Variants in AMPD3 observed in about 807,000 individuals in gnomAD.
The protein encoded by AMPD3 is AMP deaminase 3.
A neutral mutation model predicts 82.3 loss-of-function variants in AMPD3; 57 were observed. The observed-to-expected ratio is 0.69, with a 90% CI of 0.56 to 0.86. The LOEUF (loss-of-function observed/expected upper bound fraction) is 0.86. Ranked by LOEUF, AMPD3 falls within the 40% of genes least tolerant of loss-of-function variation. The probability of loss-of-function intolerance (pLI) is 0.00; values close to 1 mark genes in which losing one functional copy is unlikely to be tolerated. For missense variants in AMPD3, 870 were observed against 1,003.8 expected (o/e 0.87, Z 1.80); for synonymous variants, 381 against 394.7 (o/e 0.97, Z 0.41).
At chr11:10,498,539 G>A (rs1849487315) in intron 10 of AMPD3, 1 of 152,506 alleles carries the variant, frequency 6.6e-6, no homozygotes, top group Admixed American at 6.5e-5. Context: ...AGTGAGCACA[G>A]AGCAGAGCTC....
intron 1 of AMPD3, among the ~76,000 whole-genome samples, chr11:10,457,698 C>A (rs7123980): frequency 0.18 from 27,259 of 152,048 alleles, 2,707 homozygotes; most frequent in Admixed American, 0.29. Flanking sequence ...AGTTCAAGAC[C>A]AGCCTGGCCA....
At chr11:10,485,361 C>A (rs1411209011) in intron 5 of AMPD3, among the ~76,000 whole-genome samples, 2 of 152,104 alleles carry the variant, frequency 1.3e-5, no homozygotes, top group African/African-American at 4.8e-5. Context: ...ATTCTCTTGC[C>A]TCAGCGTCCT....
intron 2 of AMPD3, among the ~76,000 whole-genome samples, chr11:10,474,480 T>C (rs1200374016): frequency 6.6e-6 from 1 of 152,164 alleles, no homozygotes; most frequent in African/African-American, 2.4e-5. Context: ...GGGAGCCTGA[T>C]TCCCCAGAGC....
At chr11:10,473,691 A>G (rs1053850455) in intron 2 of AMPD3, 4 of 780,426 alleles carry the variant, frequency 5.1e-6, no homozygotes, top group Non-Finnish European at 6.2e-6. Context: ...ATCGTGCAGC[A>G]TATTTCTCCA....
chr11:10,485,063 C>T lies in AMPD3; in HGVS notation c.809+24C>T, dbSNP rs1488330136. 4 of 1,597,916 alleles carry T rather than the reference C, an allele frequency of 2.5e-6. No homozygotes were observed. The East Asian group carries it at 6.8e-5, about 27-fold the overall frequency. The stretch of plus-strand genomic sequence containing the variant: ...ACGTAAGCTAGCTTCTCCGCGGCTG[C>T]CTGTCTTTGCACAGGTGCTGTTCTG... On this transcript the variant is annotated intron_variant, in intron 5 of 14. Transcript: ENST00000396553.
At chr11:10,452,535 T>C (rs1418777011), upstream of AMPD3, among the ~76,000 whole-genome samples, 1 of 151,928 alleles carries the variant, frequency 6.6e-6, no homozygotes, top group African/African-American at 2.4e-5. Context: ...CTCCTCCTGA[T>C]CTGGCTTCAC....
In AMPD3 at chr11:10,504,644, C is replaced by T. The variant is rs752630433; in HGVS notation, c.2112C>T (p.Ser704=). The T allele has an allele frequency of 1.4e-5, 23 of 1,613,972 alleles. No individual in the cohort carries two copies. The highest frequency in any genetic ancestry group is 1.3e-4 in the African/African-American group (10 of 74,932). The part of the protein sequence containing the change: ...CEIARNSVLQ[S]GLSHQEKQKF... ...TCGCCAGGAACAGCGTGCTGCAGAG[C>T]GGCCTCTCGCATCAGGTATGGAGTG... The change falls in exon 14 of 15, where the codon AGC becomes AGT. Residue 704 remains serine (S), a synonymous_variant. Transcript: ENST00000396553.
chr11:10,478,485 G>C (rs1426945624), intron 2 of AMPD3, 41 bp from the exon 3 acceptor site: 1 of 1,611,526 alleles, frequency 6.2e-7, no homozygotes, highest in East Asian at 2.2e-5. Flanking sequence ...ACCCCAATTA[G>C]CTTCTGATGT....
Position 10,501,608 on chromosome 11 carries a change from G to C in AMPD3, c.1842+18G>C, listed in dbSNP as rs745882650. 6.2e-7 allele frequency: 1 copy of C among 1,613,966 alleles called. No homozygotes were observed. Among genetic ancestry groups the C allele is most frequent in the African/African-American group, 1.3e-5 (1 of 74,918 alleles). On this transcript the variant is annotated intron_variant, in intron 12 of 14. Transcript: ENST00000396553. ...TCAAGAAGGTAACCAGGTCACTCTC[G>C]GGAGCCCGTCCTGAGTGACTGCCCT...
In AMPD3 at chr11:10,456,203, C is replaced by T. The variant is rs1848087983; in HGVS notation, c.-6+755C>T. 1.4e-6 allele frequency: 2 copies of T among 1,429,728 alleles called. No individual in the cohort carries two copies. Among genetic ancestry groups the T allele is most frequent in the East Asian group, 2.5e-5 (1 of 39,926 alleles). 88.6% of individuals were successfully genotyped at this position (1,429,728 alleles called of 1,614,324 possible). A position where few individuals can be genotyped will look rare whatever the true frequency, so the allele number is the denominator to read the frequency against. ...TATTTCATATTCACGAGAGAATTTC[C>T]AGCCCAGGCTTTTCCTGCTCTGGCT... On this transcript the variant is annotated intron_variant, in intron 1 of 14. Coordinates refer to ENST00000396553, the MANE Select transcript of AMPD3 (RefSeq NM_001025389.2). The surrounding 1 kb of genome is among the most constrained non-coding windows in gnomAD (Gnocchi z 4.3).
Position 10,456,384 on chromosome 11 carries a change from G to T in AMPD3, c.-6+936G>T, listed in dbSNP as rs760868830. On this transcript the variant is annotated intron_variant, in intron 1 of 14. Coordinates refer to ENST00000396553, the MANE Select transcript of AMPD3 (RefSeq NM_001025389.2). The surrounding 1 kb of genome is among the most constrained non-coding windows in gnomAD (Gnocchi z 4.3). The stretch of plus-strand genomic sequence containing the variant: ...CACTTGAGTGGCATCTTCAGGACCA[G>T]TCATGGAGCCAGGCTCAGGTCTGTG... 1 of 1,613,824 alleles carries T rather than the reference G, an allele frequency of 6.2e-7. No homozygotes were observed. The highest frequency in any genetic ancestry group is 8.5e-7 in the Non-Finnish European group (1 of 1,179,722).
At chr11:10,498,855 C>T (rs977833649) in intron 10 of AMPD3, among the ~76,000 whole-genome samples, 3 of 152,218 alleles carry the variant, frequency 2.0e-5, no homozygotes, top group African/African-American at 7.2e-5. Context: ...AGCAAGCCTC[C>T]CCTGTGCGCT....
intron 6 of AMPD3, among the ~76,000 whole-genome samples, chr11:10,492,293 G>T (rs1482827262): frequency 6.6e-6 from 1 of 152,232 alleles, no homozygotes; most frequent in African/African-American, 2.4e-5. Context: ...TTGGCCTTGG[G>T]CCCCACAGCT....
rs10466517 is a variant in AMPD3, at chr11:10,469,857, G to A, written c.221+8117G>A. Among the ~76,000 whole-genome samples the A allele has an allele frequency of 6.5e-3, 994 of 151,998 alleles. 8 individuals carry two copies. The highest frequency in any genetic ancestry group is 0.022 in the African/African-American group (924 of 41,410). On this transcript the variant is annotated intron_variant, in intron 2 of 14. Transcript: ENST00000396553. ...GATCGAGACCATCCCGGCTAAAAAC[G>A]GTGAAACCCCGTCTCTACTAAAAAT...
intron 2 of AMPD3, chr11:10,477,939 C>A (rs553815553): frequency 1.0e-6 from 1 of 985,322 alleles, no homozygotes; most frequent in African/African-American, 1.7e-5. Context: ...CGCTAGTCCA[C>A]GGTCCTGAGC....
Position 10,507,278 on chromosome 11 carries a change from G to A in AMPD3, c.*1394G>A, listed in dbSNP as rs1849734481. The stretch of plus-strand genomic sequence containing the variant: ...TAGAAGAAGAATCCAGTTTCTGCCT[G>A]TGAACTTATTTGACTTTAGATTGTC... On this transcript the variant is annotated 3_prime_UTR_variant, in exon 15 of 15. Coordinates refer to ENST00000396553, the MANE Select transcript of AMPD3 (RefSeq NM_001025389.2). 6.6e-6 allele frequency: 1 copy of A among 151,850 alleles called. No individual in the cohort carries two copies. Among genetic ancestry groups the A allele is most frequent in the African/African-American group, 2.4e-5 (1 of 41,182 alleles). The allele number at this position is 151,850 out of a possible 1,614,324, so 9.4% of individuals were successfully genotyped here.
At chr11:10,453,740 C>A (rs771427083), upstream of AMPD3, among the ~76,000 whole-genome samples, 58 of 152,192 alleles carry the variant, frequency 3.8e-4, no homozygotes, top group Admixed American at 7.9e-4. Flanking sequence ...AGGTGCGCAC[C>A]ACCATGCCCA....
chr11:10,504,798 C>A (rs886447991), intron 14 of AMPD3, 139 bp downstream of exon 14: 7 of 826,148 alleles, frequency 8.5e-6, no homozygotes, highest in Non-Finnish European at 1.4e-5. Context: ...GGAGAGAAGA[C>A]GCGGCAGCCT....
chr11:10,494,125 C>T (rs1271325259), intron 7 of AMPD3, among the ~76,000 whole-genome samples: 1 of 152,138 alleles, frequency 6.6e-6, no homozygotes, highest in African/African-American at 2.4e-5. Context: ...GTGGTATATC[C>T]ATACAACGGA....
Sources: allele counts gnomAD v4.1 joint callset (sites outside exome capture counted in the v4.1 genomes callset), GRCh38; gene constraint gnomAD v4.1.1; non-coding constraint Gnocchi (gnomAD v3.1); transcripts MANE v1.5; gene names NCBI Gene and HGNC (gene_info 2026-07-23, HGNC 2026-07-21).